Variants in DAB1 observed in about 807,000 individuals in gnomAD.
The protein encoded by DAB1 is disabled homolog 1.
A neutral mutation model predicts 64.6 loss-of-function variants in DAB1; 15 were observed. That is an observed-to-expected ratio of 0.23 (90% CI 0.16 to 0.36). DAB1 has a LOEUF of 0.36. DAB1 is among the 10% of genes least tolerant of loss of function. The probability of loss-of-function intolerance (pLI) is 1.00; values close to 1 mark genes in which losing one functional copy is unlikely to be tolerated. For synonymous variants in DAB1, 235 were observed against 251.9 expected (o/e 0.93, Z 0.64); for missense variants, 596 against 706.7 (o/e 0.84, Z 1.78).
chr1:57,523,887 T>C (rs1321273194), intron 7 of DAB1, among the ~76,000 whole-genome samples: 1 of 151,624 alleles, frequency 6.6e-6, no homozygotes, highest in Non-Finnish European at 1.5e-5. Context: ...ATCATGCCAC[T>C]GCACTCCAGC....
intron 6 of DAB1, among the ~76,000 whole-genome samples, chr1:57,738,038 C>A (rs922242326): frequency 6.6e-6 from 1 of 152,168 alleles, no homozygotes; most frequent in Admixed American, 6.5e-5. Context: ...GATTACCTCA[C>A]CTCCTTGCCT....
intron 5 of DAB1, among the ~76,000 whole-genome samples, chr1:57,894,621 C>G: frequency 6.6e-6 from 1 of 152,004 alleles, no homozygotes; most frequent in East Asian, 1.9e-4. Flanking sequence ...AGGGAAGAGT[C>G]TGGATTGGAT....
intron 6 of DAB1, among the ~76,000 whole-genome samples, chr1:57,731,385 G>A (rs1647407756): frequency 6.6e-6 from 1 of 152,096 alleles, no homozygotes; most frequent in Admixed American, 6.5e-5. Flanking sequence ...AAAATGTTCT[G>A]GAGTTGGAAG....
chr1:57,409,781 C>A (rs1251932611), intron 1 of DAB1, among the ~76,000 whole-genome samples: 1 of 152,186 alleles, frequency 6.6e-6, no homozygotes, highest in Non-Finnish European at 1.5e-5. Context: ...TACACTCCAG[C>A]CTGGGTGACA....
At chr1:57,939,092 G>A (rs1291292442) in intron 5 of DAB1, among the ~76,000 whole-genome samples, 1 of 152,108 alleles carries the variant, frequency 6.6e-6, no homozygotes, top group East Asian at 1.9e-4. Context: ...GAGGCTGAAA[G>A]TCTGAGATCA....
intron 6 of DAB1, among the ~76,000 whole-genome samples, chr1:57,779,495 G>C (rs559078174): frequency 2.0e-5 from 3 of 152,224 alleles, no homozygotes; most frequent in Non-Finnish European, 4.4e-5. Flanking sequence ...ATAAGCAAAG[G>C]AGTGATAATA....
chr1:57,125,321 C>A (rs1236412944), intron 4 of DAB1, among the ~76,000 whole-genome samples: 1 of 152,188 alleles, frequency 6.6e-6, no homozygotes, highest in Admixed American at 6.5e-5. Flanking sequence ...GACTCATATG[C>A]TGCAGAGATA....
At chr1:57,403,862 C>T (rs1262609025) in intron 1 of DAB1, among the ~76,000 whole-genome samples, 2 of 152,134 alleles carry the variant, frequency 1.3e-5, no homozygotes, top group Non-Finnish European at 2.9e-5. Context: ...GTTTCTCAGT[C>T]TCACTAGCTA....
At chr1:58,236,957 A>C (rs1301082232) in intron 4 of DAB1, among the ~76,000 whole-genome samples, 1 of 152,214 alleles carries the variant, frequency 6.6e-6, no homozygotes, top group African/African-American at 2.4e-5. Flanking sequence ...ATCATACATC[A>C]AATTGGGACT....
chr1:57,060,484 T>A (rs1650278413), intron 9 of DAB1, among the ~76,000 whole-genome samples: 1 of 152,106 alleles, frequency 6.6e-6, no homozygotes, highest in Non-Finnish European at 1.5e-5. Flanking sequence ...AAAGCAGCCG[T>A]GTTGTACCTG....
At chr1:57,723,053 C>T (rs1036029234) in intron 6 of DAB1, among the ~76,000 whole-genome samples, 1 of 152,222 alleles carries the variant, frequency 6.6e-6, no homozygotes, top group Non-Finnish European at 1.5e-5. Context: ...GCTCTTTACT[C>T]TACCACTGAT....
At chr1:58,119,771 T>C (rs1652625772) in intron 5 of DAB1, among the ~76,000 whole-genome samples, 1 of 152,170 alleles carries the variant, frequency 6.6e-6, no homozygotes, top group Non-Finnish European at 1.5e-5. Flanking sequence ...GGCAGCCACG[T>C]TTCCAGTCAT....
intron 4 of DAB1, among the ~76,000 whole-genome samples, chr1:58,270,930 C>A: frequency 8.3e-5 from 3 of 35,974 alleles, no homozygotes; most frequent in African/African-American, 1.4e-4. Context: ...TGGGCTGAGA[C>A]AATGGGGTTT....
chr1:58,231,586 G>C (rs1028891505), intron 4 of DAB1, among the ~76,000 whole-genome samples: 3 of 152,148 alleles, frequency 2.0e-5, no homozygotes, highest in East Asian at 1.9e-4. Flanking sequence ...GCTAGACAAA[G>C]GTACAGAGCT....
chr1:57,893,045 G>A (rs1557541035), intron 5 of DAB1, among the ~76,000 whole-genome samples: 1 of 136,332 alleles, frequency 7.3e-6, no homozygotes, highest in Non-Finnish European at 1.5e-5. Context: ...CTGAAAAAGT[G>A]CATTTCTAGC....
chr1:58,199,725 A>G (rs375947598), intron 4 of DAB1, among the ~76,000 whole-genome samples: 19 of 152,236 alleles, frequency 1.2e-4, no homozygotes, highest in African/African-American at 4.3e-4. Context: ...TGTGTTTCTC[A>G]TCACCTTACA....
At chr1:58,395,929 C>T (rs1178634643) in intron 3 of DAB1, among the ~76,000 whole-genome samples, 2 of 152,068 alleles carry the variant, frequency 1.3e-5, no homozygotes, top group African/African-American at 4.8e-5. Context: ...GAATTGATTA[C>T]GGTTGTTATT....
At chr1:57,430,904 GA>G (rs1485262345) in intron 7 of DAB1, among the ~76,000 whole-genome samples, 1 of 22,332 alleles carries the variant, frequency 4.5e-5, no homozygotes, top group Non-Finnish European at 1.0e-4. Context: ...CATTGGCAGA[GA>G]AAGAAAAAAA....
intron 2 of DAB1, among the ~76,000 whole-genome samples, chr1:57,230,429 T>C (rs1310974761): frequency 6.6e-6 from 1 of 151,432 alleles, no homozygotes; most frequent in Non-Finnish European, 1.5e-5. Context: ...GATAAGGAAA[T>C]AGAATTACTA....
Sources: gnomAD v4.1 joint callset for allele counts (sites outside exome capture counted in the v4.1 genomes callset) on GRCh38, gnomAD v4.1.1 for gene constraint, MANE v1.5 for transcripts, NCBI Gene and HGNC (gene_info 2026-07-23, HGNC 2026-07-21) for gene names.